The following EVA1C variants were observed in gnomAD, a reference collection of about 807,000 sequenced individuals.
EVA1C encodes eva-1 homolog C.
A neutral mutation model predicts 45.4 loss-of-function variants in EVA1C; 25 were observed. That is an observed-to-expected ratio of 0.55 (90% confidence interval 0.40 to 0.77). The LOEUF is 0.77. EVA1C is among the 30% of genes least tolerant of loss of function. The probability of loss-of-function intolerance (pLI) is 0.00; values close to 1 mark genes in which losing one functional copy is unlikely to be tolerated. For missense variants in EVA1C, 479 were observed against 554.8 expected (o/e 0.86, Z 1.37); for synonymous variants, 190 against 221.2 (o/e 0.86, Z 1.25).
intron 1 of EVA1C, among the ~76,000 whole-genome samples, chr21:32,419,358 C>G (rs1339945198): frequency 6.6e-6 from 1 of 152,208 alleles, no homozygotes; most frequent in East Asian, 1.9e-4. Context: ...CTCTCCCCAG[C>G]TCCACAGCTG....
At chr21:32,436,419 C>G (rs1202334344) in intron 1 of EVA1C, among the ~76,000 whole-genome samples, 7 of 152,254 alleles carry the variant, frequency 4.6e-5, no homozygotes, top group Non-Finnish European at 1.5e-5. Flanking sequence ...CACTCTCTAC[C>G]TTTGGCTTAC....
At chr21:32,443,729 T>C (rs1171579200) in intron 1 of EVA1C, among the ~76,000 whole-genome samples, 1 of 152,218 alleles carries the variant, frequency 6.6e-6, no homozygotes, top group East Asian at 1.9e-4. Context: ...TGCTCTCTTT[T>C]ATTTTTATTT....
At chr21:32,445,340 T>C (rs1467722340) in intron 1 of EVA1C, among the ~76,000 whole-genome samples, 2 of 152,236 alleles carry the variant, frequency 1.3e-5, no homozygotes, top group African/African-American at 4.8e-5. Context: ...GGATAAGCTA[T>C]CAATTGACAT....
intron 1 of EVA1C, among the ~76,000 whole-genome samples, chr21:32,448,504 C>G (rs975514422): frequency 2.6e-5 from 4 of 152,272 alleles, no homozygotes; most frequent in East Asian, 3.9e-4. Flanking sequence ...CCCTCCCTAA[C>G]GCTAGCTCCT....
chr21:32,455,085 G>C (rs1333562944), intron 2 of EVA1C, among the ~76,000 whole-genome samples: 1 of 152,156 alleles, frequency 6.6e-6, no homozygotes, highest in Non-Finnish European at 1.5e-5. Context: ...AAGGACCTGA[G>C]ATTGATTTCT....
At chr21:32,496,242 G>A (rs1027546583) in intron 5 of EVA1C, among the ~76,000 whole-genome samples, 5 of 152,124 alleles carry the variant, frequency 3.3e-5, no homozygotes, top group African/African-American at 1.2e-4. Flanking sequence ...CCTAGAAATG[G>A]AATCATACAA....
At chr21:32,426,387 T>A (rs1048220488) in intron 1 of EVA1C, among the ~76,000 whole-genome samples, 1 of 151,966 alleles carries the variant, frequency 6.6e-6, no homozygotes, top group Non-Finnish European at 1.5e-5. Flanking sequence ...GATTTGAACA[T>A]GAAAAAGGAA....
At position 32,467,842 on chromosome 21, in the gene EVA1C, C is replaced by T. The variant is rs200288953; in HGVS notation, c.628C>T (p.Pro210Ser). Residue 210 changes from proline to serine, a missense_variant, in exon 4 of 8, where the codon CCT (proline) becomes TCT (serine). Coordinates refer to ENST00000300255, the MANE Select transcript of EVA1C (RefSeq NM_058187.5). ...CTCCTCCAAGGCAGAGCGGCTCCCC[C>T]CTTTCGGTATGTGCTTTTGTGTGTG... ...ICSSKAERLP[P>S]FDCLSYSALQ... The T allele has an allele frequency of 6.2e-5, 100 of 1,607,800 alleles. No homozygotes were observed. The East Asian group carries it at 1.3e-3, about 21-fold the overall frequency.
rs1291944456 is a variant in EVA1C, at chr21:32,415,331, T to C, written c.160+2318T>C. Among the ~76,000 whole-genome samples, 5 of 152,092 alleles carry C rather than the reference T, an allele frequency of 3.3e-5. No individual in the cohort carries two copies. The East Asian group carries it at 7.7e-4, about 23-fold the overall frequency. ...TCTAAATAAAGGGAACATCAAAAACTAGCAGAGGATAGAGGAAACTTGGGA... is the reference window on the plus strand; with the variant it reads ...TCTAAATAAAGGGAACATCAAAAACCAGCAGAGGATAGAGGAAACTTGGGA... On this transcript the variant is annotated intron_variant, in intron 1 of 7. Coordinates refer to ENST00000300255, the MANE Select transcript of EVA1C (RefSeq NM_058187.5).
At chr21:32,476,117 A>T (rs1288385980) in intron 4 of EVA1C, among the ~76,000 whole-genome samples, 2 of 150,768 alleles carry the variant, frequency 1.3e-5, no homozygotes, top group African/African-American at 4.9e-5. Context: ...TTGCACTTGC[A>T]CACCTTGTCT....
chr21:32,414,036 T>C (rs745776885), intron 1 of EVA1C, among the ~76,000 whole-genome samples: 1 of 152,236 alleles, frequency 6.6e-6, no homozygotes, highest in Non-Finnish European at 1.5e-5. Context: ...AGTAGGCTAG[T>C]ACATAGCAAA....
At chr21:32,460,648 G>A (rs2035962908) in intron 3 of EVA1C, among the ~76,000 whole-genome samples, 1 of 152,178 alleles carries the variant, frequency 6.6e-6, no homozygotes, top group Admixed American at 6.5e-5. Context: ...CAGTCCCGTG[G>A]GGCCTGATAT....
intron 4 of EVA1C, among the ~76,000 whole-genome samples, chr21:32,490,942 A>G (rs1202816278): frequency 6.6e-6 from 1 of 152,232 alleles, no homozygotes; most frequent in Admixed American, 6.5e-5. Context: ...CATTCGTCCC[A>G]TAATTCTTTG....
chr21:32,501,943 C>T (rs1286843097), intron 6 of EVA1C, among the ~76,000 whole-genome samples: 4 of 151,682 alleles, frequency 2.6e-5, no homozygotes, highest in African/African-American at 9.7e-5. Flanking sequence ...TCCTTCCTCC[C>T]TCCCTTCCTT....
rs200644371 is a variant in EVA1C at position 32,450,397 on chromosome 21, T to TC, written c.161-2914dup. Among the ~76,000 whole-genome samples the TC allele has an allele frequency of 9.3e-3, 1,392 of 149,320 alleles. 23 individuals carry two copies. Among genetic ancestry groups the TC allele is most frequent in the African/African-American group, 0.032 (1,326 of 40,810 alleles). On this transcript the variant is annotated intron_variant, in intron 1 of 7. Coordinates refer to ENST00000300255, the MANE Select transcript of EVA1C (RefSeq NM_058187.5). ...GGAGCCTTGTCATTTTTTTTTTTTT[T>TC]CATCTAGCTACAGTGACAAGATCTT... is the stretch of plus-strand genomic sequence containing the variant.
In EVA1C at chr21:32,468,638, C is replaced by A. The variant is rs549860903; in HGVS notation, c.634+790C>A. 3.9e-5 allele frequency among the ~76,000 whole-genome samples: 6 copies of A among 152,180 alleles called. No homozygotes were observed. The South Asian group carries it at 1.2e-3, about 32-fold the overall frequency. On this transcript the variant is annotated intron_variant, in intron 4 of 7. Coordinates refer to ENST00000300255, the MANE Select transcript of EVA1C (RefSeq NM_058187.5). ...GAACTTGGAGTCTGATGTTCAGGGG[C>A]AGGAAGCATCCAGCACGGGAGAAAG...
At chr21:32,418,269 A>G (rs2034131099) in intron 1 of EVA1C, among the ~76,000 whole-genome samples, 1 of 152,248 alleles carries the variant, frequency 6.6e-6, no homozygotes, top group East Asian at 1.9e-4. Context: ...AAACAAACCA[A>G]ATGTCCGAAG....
intron 4 of EVA1C, among the ~76,000 whole-genome samples, chr21:32,476,142 T>TC (rs2146331857): frequency 6.6e-6 from 1 of 152,292 alleles, no homozygotes; most frequent in East Asian, 1.9e-4. Flanking sequence ...AGCTTTTGCC[T>TC]CTTTTTTTTT....
Position 32,457,712 on chromosome 21 carries a change from G to A in EVA1C, c.473G>A (p.Cys158Tyr). 1 of 1,614,116 alleles carries A rather than the reference G, an allele frequency of 6.2e-7. No individual in the cohort carries two copies. The highest frequency in any genetic ancestry group is 8.5e-7 in the Non-Finnish European group (1 of 1,180,018). ...SSKYLLVSFK[C>Y]QPNELKNKTV... ...AAATACCTCCTGGTCTCCTTTAAAT[G>A]CCAACCTAGTAAGTAACTTCGGAGG... The change falls in exon 3 of 8, where the codon TGC (cysteine) becomes TAC (tyrosine). Residue 158 changes from cysteine (C) to tyrosine (Y), a missense_variant. Around this residue, in one of 3 missense-constraint regions of EVA1C, gnomAD observed 366 missense variants for 426.1 expected, o/e 0.86. Transcript: ENST00000300255.
Sources: allele counts gnomAD v4.1 joint callset (sites outside exome capture counted in the v4.1 genomes callset), GRCh38; gene constraint gnomAD v4.1.1; regional missense constraint gnomAD v4.1.1; transcripts MANE v1.5; gene names NCBI Gene and HGNC (gene_info 2026-07-23, HGNC 2026-07-21).